TOM1L2: variants seen among roughly 807,000 people sequenced by gnomAD.
The protein encoded by TOM1L2 is target of myb1 like 2 membrane trafficking protein.
In TOM1L2, 31 loss-of-function variants were observed where a neutral mutation model predicts 67.9. That is an observed-to-expected ratio of 0.46 (90% CI 0.34 to 0.62). The LOEUF (loss-of-function observed/expected upper bound fraction) is 0.62. Among genes scored for constraint, TOM1L2 ranks in the 20% least tolerant of loss-of-function variants. The probability of loss-of-function intolerance (pLI) is 0.01; values close to 1 mark genes in which losing one functional copy is unlikely to be tolerated. For missense variants in TOM1L2, 606 were observed against 663.5 expected (o/e 0.91, Z 0.95); for synonymous variants, 256 against 254.0 (o/e 1.01, Z -0.07).
intron 1 of TOM1L2, among the ~76,000 whole-genome samples, chr17:17,921,624 C>T (rs1274859307): frequency 6.6e-6 from 1 of 151,968 alleles, no homozygotes; most frequent in East Asian, 1.9e-4. Flanking sequence ...CCAGCTTGTC[C>T]CAGCCTAGCA....
At chr17:17,905,201 C>T (rs1364548852) in intron 2 of TOM1L2, among the ~76,000 whole-genome samples, 3 of 152,314 alleles carry the variant, frequency 2.0e-5, no homozygotes, top group East Asian at 1.9e-4. Context: ...TGAAAATATG[C>T]CACCTTTCAC....
chr17:17,882,215 C>T (rs1055589762), intron 6 of TOM1L2, among the ~76,000 whole-genome samples: 1 of 152,168 alleles, frequency 6.6e-6, no homozygotes, highest in Admixed American at 6.5e-5. Context: ...AGATCTAAGC[C>T]TCTGCATGAT....
chr17:17,850,532 A>T (rs9893690), intron 13 of TOM1L2, among the ~76,000 whole-genome samples: 86,304 of 151,148 alleles, frequency 0.57, 25,498 homozygotes, highest in Non-Finnish European at 0.63. Flanking sequence ...ATGCTCCCCC[A>T]ACACTCCCTC....
intron 7 of TOM1L2, among the ~76,000 whole-genome samples, chr17:17,870,146 C>T (rs1021252192): frequency 2.6e-5 from 4 of 152,302 alleles, no homozygotes; most frequent in African/African-American, 4.8e-5. Context: ...TTTGGTGGCA[C>T]GTCTGCCACT....
At chr17:17,956,021 T>C (rs1049265040) in intron 1 of TOM1L2, among the ~76,000 whole-genome samples, 6 of 152,212 alleles carry the variant, frequency 3.9e-5, no homozygotes, top group South Asian at 2.1e-4. Flanking sequence ...TTGCAGCCAG[T>C]GTTACAGCTC....
rs1315919397 is a variant in TOM1L2 at position 17,862,172 on chromosome 17, A to C, written c.1202+559T>G. On this transcript the variant is annotated intron_variant, in intron 11 of 14. Transcript: ENST00000379504. ...GGAAAGGTGGGAAAAAGTGTGTTTC[A>C]CCCGCCTTTAGGCTGAACAGAAAGC... 2.0e-5 allele frequency: 3 copies of C among 153,134 alleles called. No individual in the cohort carries two copies. In the East Asian group the frequency reaches 5.8e-4, roughly 29 times the overall value. 9.5% of individuals were successfully genotyped at this position (153,134 alleles called of 1,614,324 possible).
chr17:17,886,865 G>T (rs985412932), intron 4 of TOM1L2, among the ~76,000 whole-genome samples: 6 of 152,230 alleles, frequency 3.9e-5, no homozygotes, highest in Admixed American at 3.3e-4. Context: ...CACCCAAGTT[G>T]GGCCAATCAG....
intron 4 of TOM1L2, among the ~76,000 whole-genome samples, chr17:17,892,264 G>C (rs1451306740): frequency 6.6e-6 from 1 of 152,158 alleles, no homozygotes; most frequent in Non-Finnish European, 1.5e-5. Context: ...CCATCTGAGA[G>C]CCCGGCCTGC....
chr17:17,925,141 T>C (rs1363689718), intron 1 of TOM1L2, among the ~76,000 whole-genome samples: 2 of 152,218 alleles, frequency 1.3e-5, no homozygotes, highest in Non-Finnish European at 2.9e-5. Context: ...GCCAGTACTA[T>C]GCTTCCTATA....
chr17:17,887,611 G>A (rs1379335390), intron 4 of TOM1L2, among the ~76,000 whole-genome samples: 2 of 152,160 alleles, frequency 1.3e-5, no homozygotes, highest in South Asian at 2.1e-4. Context: ...GAGTAGCTGG[G>A]ACTATAAGCA....
intron 1 of TOM1L2, among the ~76,000 whole-genome samples, chr17:17,927,803 T>C (rs1042907574): frequency 6.6e-6 from 1 of 152,110 alleles, no homozygotes; most frequent in Non-Finnish European, 1.5e-5. Flanking sequence ...TAGCTGGGAC[T>C]ACAGGCATGT....
At chr17:17,935,511 G>A (rs964768824) in intron 1 of TOM1L2, among the ~76,000 whole-genome samples, 4 of 152,110 alleles carry the variant, frequency 2.6e-5, no homozygotes, top group Non-Finnish European at 5.9e-5. Context: ...TGAGCTTGCC[G>A]AGCTGTGCTT....
rs1598294997 is a variant in TOM1L2, at chr17:17,899,827, T to G, written c.138-1153A>C. Among the ~76,000 whole-genome samples the G allele has an allele frequency of 2.0e-5, 3 of 152,222 alleles. No individual in the cohort carries two copies. In the South Asian group the frequency reaches 6.2e-4, roughly 31 times the overall value. ...TCCTATTCCTACAGTTTTAAAACAT[T>G]TATACTCTACCAAATGAAAAGGCCC... On this transcript the variant is annotated intron_variant, in intron 2 of 14. Transcript: ENST00000379504.
At chr17:17,948,111 T>G (rs530797989) in intron 1 of TOM1L2, among the ~76,000 whole-genome samples, 2 of 152,346 alleles carry the variant, frequency 1.3e-5, no homozygotes, top group East Asian at 3.9e-4. Flanking sequence ...ATTAAATGAC[T>G]GTATCATGAT....
At chr17:17,910,433 A>G (rs932314142) in intron 1 of TOM1L2, among the ~76,000 whole-genome samples, 6 of 152,138 alleles carry the variant, frequency 3.9e-5, no homozygotes, top group African/African-American at 1.4e-4. Flanking sequence ...CCTTCCTCTA[A>G]GTTATGGATC....
At chr17:17,955,225 A>G (rs532470721) in intron 1 of TOM1L2, among the ~76,000 whole-genome samples, 9 of 151,852 alleles carry the variant, frequency 5.9e-5, no homozygotes, top group African/African-American at 2.2e-4. Context: ...CACCTCTTCT[A>G]TCATACTCAG....
intron 2 of TOM1L2, among the ~76,000 whole-genome samples, chr17:17,900,203 A>T (rs952705632): frequency 6.6e-6 from 1 of 151,640 alleles, no homozygotes; most frequent in Admixed American, 6.6e-5. Flanking sequence ...ACAAGAGTGA[A>T]ACTTCATCTC....
rs974792042 is a variant in TOM1L2, at chr17:17,847,301, C to T, written c.*334G>A. 7 of 320,016 alleles carry T rather than the reference C, an allele frequency of 2.2e-5. No homozygotes were observed. The highest frequency in any genetic ancestry group is 1.2e-4 in the South Asian group (3 of 25,184). 19.8% of individuals were successfully genotyped at this position (320,016 alleles called of 1,614,324 possible). A position where few individuals can be genotyped will look rare whatever the true frequency, so the allele number is the denominator to read the frequency against. Reference sequence around the variant, plus strand: ...GCCGGGCGTGCTCTTTCTCCATGGGCGGGTGGAGGAAAGACAGTCCGGGTG... The same window carrying T: ...GCCGGGCGTGCTCTTTCTCCATGGGTGGGTGGAGGAAAGACAGTCCGGGTG... On this transcript the variant is annotated 3_prime_UTR_variant, in exon 15 of 15. Coordinates refer to ENST00000379504, the MANE Select transcript of TOM1L2 (RefSeq NM_001082968.2).
At chr17:17,925,055 C>T (rs2040028276) in intron 1 of TOM1L2, among the ~76,000 whole-genome samples, 1 of 152,162 alleles carries the variant, frequency 6.6e-6, no homozygotes, top group East Asian at 1.9e-4. Context: ...TTCCTGTTTT[C>T]ACCATGTGAG....
Sources: allele counts gnomAD v4.1 joint callset (sites outside exome capture counted in the v4.1 genomes callset), GRCh38; gene constraint gnomAD v4.1.1; transcripts MANE v1.5; gene names NCBI Gene and HGNC (gene_info 2026-07-23, HGNC 2026-07-21).